FFAR4: variants seen among roughly 807,000 people sequenced by gnomAD.
FFAR4 encodes free fatty acid receptor 4.
FFAR4 carries 19 observed loss-of-function variants against 27.0 expected under a neutral mutation model. That is an observed-to-expected ratio of 0.70 (90% CI 0.49 to 1.03). FFAR4 has a LOEUF of 1.03. Ranked by LOEUF, FFAR4 falls within the 50% of genes least tolerant of loss-of-function variation. FFAR4 has a pLI of 0.00. For synonymous variants in FFAR4, 254 were observed against 215.6 expected (o/e 1.18, Z -1.56); for missense variants, 476 against 479.0 (o/e 0.99, Z 0.06).
At chr10:93,568,846 G>A (rs1564781109) in intron 1 of FFAR4, among the ~76,000 whole-genome samples, 1 of 152,156 alleles carries the variant, frequency 6.6e-6, no homozygotes, top group Non-Finnish European at 1.5e-5. Flanking sequence ...ATGACTAATA[G>A]GCAGGAGCCC....
chr10:93,566,750 C>T lies in FFAR4; in HGVS notation c.30C>T (p.Gly10=). The T allele has an allele frequency of 6.2e-7, 1 of 1,602,566 alleles. No individual in the cohort carries two copies. Among genetic ancestry groups the T allele is most frequent in the Non-Finnish European group, 8.5e-7 (1 of 1,177,230 alleles). MSPECARAA[G]DAPLRSLEQA... Reference sequence around the variant, plus strand: ...CCCCTGAATGCGCGCGGGCAGCGGGCGACGCGCCCTTGCGCAGCCTGGAGC... The same window carrying T: ...CCCCTGAATGCGCGCGGGCAGCGGGTGACGCGCCCTTGCGCAGCCTGGAGC... Residue 10 remains glycine (G), a synonymous_variant, in exon 1 of 3, where the codon GGC becomes GGT. Coordinates refer to ENST00000371481, the MANE Select transcript of FFAR4 (RefSeq NM_001195755.2).
intron 1 of FFAR4, among the ~76,000 whole-genome samples, chr10:93,568,021 C>G (rs569845989): frequency 6.6e-6 from 1 of 152,192 alleles, no homozygotes; most frequent in South Asian, 2.1e-4. Flanking sequence ...CATAGCGGGT[C>G]AATAGTTGTC....
rs750446476 is a variant in FFAR4 at position 93,567,283 on chromosome 10, A to T, written c.563A>T (p.Asp188Val). Residue 188 changes from aspartate to valine, a missense_variant, in exon 1 of 3, where the codon GAC becomes GTC. By Grantham distance (152) the Asp-to-Val change is radical. Coordinates refer to ENST00000371481, the MANE Select transcript of FFAR4 (RefSeq NM_001195755.2). ...RVVPQRLPGA[D>V]QEISICTLIW... ...GTCCCGCAACGGCTCCCCGGCGCCGACCAGGTGAGCGCCCCTCTGTGTGTG... is the reference window on the plus strand; with the variant it reads ...GTCCCGCAACGGCTCCCCGGCGCCGTCCAGGTGAGCGCCCCTCTGTGTGTG... The T allele has an allele frequency of 6.3e-7, 1 of 1,598,160 alleles. No individual in the cohort carries two copies.
chr10:93,570,602 C>G (rs1336971384), intron 1 of FFAR4, among the ~76,000 whole-genome samples: 2 of 152,132 alleles, frequency 1.3e-5, no homozygotes, highest in Non-Finnish European at 2.9e-5. Context: ...GATACTGGCT[C>G]CCTCCCCTCA....
chr10:93,580,096 C>T (rs2058189261), intron 2 of FFAR4, among the ~76,000 whole-genome samples: 1 of 152,186 alleles, frequency 6.6e-6, no homozygotes, highest in African/African-American at 2.4e-5. Flanking sequence ...TGGAAGCAGA[C>T]AAGCTATACC....
chr10:93,567,874 G>A (rs1170718630), intron 1 of FFAR4, among the ~76,000 whole-genome samples: 1 of 152,108 alleles, frequency 6.6e-6, no homozygotes, highest in Non-Finnish European at 1.5e-5. Flanking sequence ...TGTCTTTAGG[G>A]GACTTGTGAC....
rs1310231506 is a variant in FFAR4 at position 93,588,977 on chromosome 10, T to C, written c.*1368T>C. ...GGCCTAAGGAGACCTTTCTGAGGAG[T>C]GACAAATTGGATCAAAAGGTAAGCG... On this transcript the variant is annotated 3_prime_UTR_variant, in exon 3 of 3. Coordinates refer to ENST00000371481, the MANE Select transcript of FFAR4 (RefSeq NM_001195755.2). 1 of 151,888 alleles carries C rather than the reference T, an allele frequency of 6.6e-6. No individual in the cohort carries two copies. The highest frequency in any genetic ancestry group is 2.1e-4 in the South Asian group (1 of 4,784). The allele number at this position is 151,888 out of a possible 1,614,324, so 9.4% of individuals were successfully genotyped here. A position where few individuals can be genotyped will look rare whatever the true frequency, so the allele number is the denominator to read the frequency against.
chr10:93,579,325 T>C, intron 2 of FFAR4: 1 of 837,262 alleles, frequency 1.2e-6, no homozygotes, highest in South Asian at 1.5e-5. Context: ...CCTTCATATT[T>C]CACCCTCCCT....
intron 1 of FFAR4, among the ~76,000 whole-genome samples, chr10:93,570,856 G>A (rs2058128017): frequency 6.6e-6 from 1 of 152,084 alleles, no homozygotes; most frequent in South Asian, 2.1e-4. Flanking sequence ...TGCCATTCGG[G>A]AGCTTCATGA....
intron 2 of FFAR4, among the ~76,000 whole-genome samples, chr10:93,584,928 G>C (rs547026515): frequency 6.6e-6 from 1 of 151,816 alleles, no homozygotes; most frequent in African/African-American, 2.4e-5. Context: ...GGGTTGTCTC[G>C]AACCCCTGAC....
Position 93,587,916 on chromosome 10 carries a change from G to A in FFAR4, c.*307G>A, listed in dbSNP as rs1054916683. 3 of 202,690 alleles carry A rather than the reference G, an allele frequency of 1.5e-5. No individual in the cohort carries two copies. The highest frequency in any genetic ancestry group is 3.0e-5 in the Non-Finnish European group (3 of 99,992). 12.6% of individuals were successfully genotyped at this position (202,690 alleles called of 1,614,324 possible). ...ACCTGACCAACATGGTGAGACCCCC[G>A]TCTCTACTAAAAATAAAAAAAAAAA... On this transcript the variant is annotated 3_prime_UTR_variant, in exon 3 of 3. Coordinates refer to ENST00000371481, the MANE Select transcript of FFAR4 (RefSeq NM_001195755.2).
At position 93,587,397 on chromosome 10, in the gene FFAR4, T is replaced by G; in HGVS notation, c.874T>G (p.Phe292Val). Residue 292 changes from phenylalanine to valine, a missense_variant, in exon 3 of 3, where the codon TTC becomes GTC. Transcript: ENST00000371481. ...ITILLILIQNFKQDLVIWPSL... is the reference protein window; with the variant it reads ...ITILLILIQNVKQDLVIWPSL... ...CATCCTCCTCATCCTGATCCAGAAC[T>G]TCAAGCAAGACCTGGTCATCTGGCC... 1 of 1,613,992 alleles carries G rather than the reference T, an allele frequency of 6.2e-7. No individual in the cohort carries two copies. Among genetic ancestry groups the G allele is most frequent in the Non-Finnish European group, 8.5e-7 (1 of 1,179,984 alleles).
chr10:93,580,294 G>A (rs994556030), intron 2 of FFAR4, among the ~76,000 whole-genome samples: 1 of 152,210 alleles, frequency 6.6e-6, no homozygotes, highest in Non-Finnish European at 1.5e-5. Flanking sequence ...TTCACAAATT[G>A]TTTGACACCA....
intron 2 of FFAR4, among the ~76,000 whole-genome samples, chr10:93,585,334 G>A (rs1327032780): frequency 6.6e-6 from 1 of 152,188 alleles, no homozygotes; most frequent in Non-Finnish European, 1.5e-5. Flanking sequence ...ATACGCATGA[G>A]GAGGCTTATT....
chr10:93,587,313 C>G lies in FFAR4; in HGVS notation c.790C>G (p.Arg264Gly). The G allele has an allele frequency of 6.2e-7, 1 of 1,614,126 alleles. No homozygotes were observed. ...RVSQQDFRLF[R>G]TLFLLMVSFF... Reference sequence around the variant, plus strand: ...GTCCCAGCAGGACTTCCGGCTCTTCCGCACCCTCTTCCTCCTCATGGTCTC... The same window carrying G: ...GTCCCAGCAGGACTTCCGGCTCTTCGGCACCCTCTTCCTCCTCATGGTCTC... The change falls in exon 3 of 3, where the codon CGC becomes GGC. Residue 264 changes from arginine to glycine, a missense_variant. Coordinates refer to ENST00000371481, the MANE Select transcript of FFAR4 (RefSeq NM_001195755.2).
At chr10:93,574,503 G>C (rs529795155) in intron 1 of FFAR4, among the ~76,000 whole-genome samples, 1 of 152,284 alleles carries the variant, frequency 6.6e-6, no homozygotes, top group African/African-American at 2.4e-5. Flanking sequence ...GGGGTCCATA[G>C]TGGGCAGAGG....
rs190918179 is a variant in FFAR4 at position 93,580,406 on chromosome 10, C to T, written c.696+4187C>T. Reference sequence around the variant, plus strand: ...AGGCTTGAGAAGTGTCTCTTTTTCACATCACCCTGGTCTTCTATTGCTCTA... The same window carrying T: ...AGGCTTGAGAAGTGTCTCTTTTTCATATCACCCTGGTCTTCTATTGCTCTA... On this transcript the variant is annotated intron_variant, in intron 2 of 2. Transcript: ENST00000371481. Among the ~76,000 whole-genome samples the T allele has an allele frequency of 3.2e-3, 493 of 152,338 alleles. 2 individuals are homozygous for T. The highest frequency in any genetic ancestry group is 5.8e-3 in the Non-Finnish European group (394 of 68,034).
intron 2 of FFAR4, among the ~76,000 whole-genome samples, chr10:93,580,521 T>C (rs2058191160): frequency 1.3e-5 from 2 of 152,210 alleles, no homozygotes; most frequent in South Asian, 4.1e-4. Context: ...TAGGCTAGAT[T>C]GGATTCTTTG....
At chr10:93,587,007 G>A (rs536976410) in intron 2 of FFAR4, among the ~76,000 whole-genome samples, 2 of 152,234 alleles carry the variant, frequency 1.3e-5, no homozygotes, top group East Asian at 3.9e-4. Flanking sequence ...TCATAACGCT[G>A]TTTAGAAGGT....
Sources: gnomAD v4.1 joint callset for allele counts (sites outside exome capture counted in the v4.1 genomes callset) on GRCh38, gnomAD v4.1.1 for gene constraint, MANE v1.5 for transcripts, NCBI Gene and HGNC (gene_info 2026-07-23, HGNC 2026-07-21) for gene names.